The following AGBL1 variants were observed in gnomAD, a reference collection of about 807,000 sequenced individuals.
AGBL1 encodes cytosolic carboxypeptidase 4.
In AGBL1, 130 loss-of-function variants were observed where a neutral mutation model predicts 118.9. The observed-to-expected ratio is 1.09, with a 90% CI of 0.95 to 1.26. The LOEUF is 1.26. Ranked by LOEUF, AGBL1 falls within the 50% of genes most tolerant of loss-of-function variation. AGBL1 has a pLI of 0.00. For synonymous variants in AGBL1, 555 were observed against 478.9 expected (o/e 1.16, Z -2.08); for missense variants, 1,584 against 1,298.1 (o/e 1.22, Z -3.38).
At chr15:86,269,848 A>G in intron 13 of AGBL1, 71 bp from the exon 14 acceptor site, 1 of 1,532,922 alleles carries the variant, frequency 6.5e-7, no homozygotes, top group Non-Finnish European at 8.9e-7. Flanking sequence ...TGAAACGTGT[A>G]GATTCTTAGT....
At chr15:86,547,104 G>A (rs2083594068) in intron 20 of AGBL1, among the ~76,000 whole-genome samples, 1 of 151,990 alleles carries the variant, frequency 6.6e-6, no homozygotes, top group Non-Finnish European at 1.5e-5. Flanking sequence ...ACCACCCCAA[G>A]GCTTTTATAG....
At chr15:86,630,817 C>G (rs1309328904) in intron 21 of AGBL1, 1 of 152,126 alleles carries the variant, frequency 6.6e-6, no homozygotes, top group Admixed American at 6.5e-5. Flanking sequence ...TTAATTTTTC[C>G]TTTCAAAATG....
At chr15:86,080,303 G>A (rs1895179489) in intron 1 of AGBL1, 3 of 299,180 alleles carry the variant, frequency 1.0e-5, no homozygotes, top group Admixed American at 5.1e-5. Flanking sequence ...AAATGGGAAA[G>A]GTGGAGAAAA....
intron 17 of AGBL1, among the ~76,000 whole-genome samples, chr15:86,334,741 A>T (rs1291516616): frequency 6.6e-6 from 1 of 152,200 alleles, no homozygotes; most frequent in Non-Finnish European, 1.5e-5. Flanking sequence ...TGGAGGTATC[A>T]CATTACCCAA....
intron 22 of AGBL1, among the ~76,000 whole-genome samples, chr15:86,757,349 C>G (rs1173688796): frequency 6.6e-6 from 1 of 152,052 alleles, no homozygotes; most frequent in Non-Finnish European, 1.5e-5. Context: ...GCACTGTATT[C>G]TACTTGTCAC....
chr15:86,588,040 C>T (rs1446821002), intron 21 of AGBL1, among the ~76,000 whole-genome samples: 1 of 151,944 alleles, frequency 6.6e-6, no homozygotes, highest in African/African-American at 2.4e-5. Flanking sequence ...TCTGCTGGCA[C>T]TATTCTTCAT....
intron 22 of AGBL1, among the ~76,000 whole-genome samples, chr15:86,713,854 A>G (rs1387573169): frequency 6.6e-6 from 1 of 152,190 alleles, no homozygotes. Context: ...AAGAGCTGTA[A>G]CGTAGACTTG....
intron 24 of AGBL1, among the ~76,000 whole-genome samples, chr15:87,016,206 T>C (rs970081658): frequency 1.4e-5 from 2 of 146,412 alleles, no homozygotes; most frequent in Admixed American, 1.3e-4. Flanking sequence ...GACCCACTGA[T>C]CCACTAGGAC....
At chr15:86,508,261 G>A (rs2083005446) in intron 18 of AGBL1, among the ~76,000 whole-genome samples, 1 of 151,948 alleles carries the variant, frequency 6.6e-6, no homozygotes, top group African/African-American at 2.4e-5. Flanking sequence ...ACTTGTGTAT[G>A]TGATTCAGCT....
chr15:86,712,392 A>T (rs951886332), intron 22 of AGBL1, among the ~76,000 whole-genome samples: 1 of 151,398 alleles, frequency 6.6e-6, no homozygotes, highest in African/African-American at 2.4e-5. Context: ...TACCACTGAC[A>T]TTAAAACGGA....
chr15:86,783,949 A>T (rs926099113), intron 22 of AGBL1, among the ~76,000 whole-genome samples: 2 of 152,186 alleles, frequency 1.3e-5, no homozygotes, highest in African/African-American at 4.8e-5. Context: ...TCTTAAAAAA[A>T]TTTTAAACTG....
intron 5 of AGBL1, among the ~76,000 whole-genome samples, chr15:86,183,007 A>G (rs921236785): frequency 6.6e-6 from 1 of 152,186 alleles, no homozygotes; most frequent in African/African-American, 2.4e-5. Context: ...TTAAGAGCAA[A>G]CTTTGAGAAG....
At chr15:86,721,569 G>A (rs2086721581) in intron 22 of AGBL1, among the ~76,000 whole-genome samples, 1 of 152,094 alleles carries the variant, frequency 6.6e-6, no homozygotes, top group Non-Finnish European at 1.5e-5. Context: ...GGCAAAAACT[G>A]GAAGTATTCC....
chr15:86,646,271 G>C lies in AGBL1; in HGVS notation c.2995-28002G>C, dbSNP rs554501089. Among the ~76,000 whole-genome samples, 4 of 152,236 alleles carry C rather than the reference G, an allele frequency of 2.6e-5. No homozygotes were observed. In the Middle Eastern group the frequency reaches 0.01, roughly 388 times the overall value. On this transcript the variant is annotated intron_variant, in intron 21 of 22. Transcript: ENST00000614907. ...TGCAGAGAGCCATGCTGATTTGCAC[G>C]GCGGCAGTAACAACTCTAAGTGGAA...
intron 17 of AGBL1, among the ~76,000 whole-genome samples, chr15:86,378,299 A>C (rs2081066890): frequency 6.6e-6 from 1 of 152,192 alleles, no homozygotes; most frequent in African/African-American, 2.4e-5. Context: ...TTAAACTGTC[A>C]CATAAATTCC....
At chr15:86,545,144 T>G (rs985673126) in intron 19 of AGBL1, among the ~76,000 whole-genome samples, 10 of 152,218 alleles carry the variant, frequency 6.6e-5, no homozygotes, top group Non-Finnish European at 1.2e-4. Context: ...TTTTCCCCTC[T>G]ACCACAAGAG....
intron 21 of AGBL1, among the ~76,000 whole-genome samples, chr15:86,633,867 ATATATATAATGTATATATATATATATAAT>A (rs2085030825): frequency 6.6e-5 from 1 of 15,182 alleles, no homozygotes; most frequent in African/African-American, 1.3e-4. Context: ...TATATAATGT[ATATATATAATGTATATATATATATATAAT>A]GTATATATAT....
At chr15:86,478,314 A>G (rs1042105551) in intron 18 of AGBL1, among the ~76,000 whole-genome samples, 3 of 152,328 alleles carry the variant, frequency 2.0e-5, no homozygotes, top group South Asian at 2.1e-4. Flanking sequence ...AGATGACATG[A>G]TTGTATATTT....
At chr15:86,535,998 C>G (rs1401438981) in intron 19 of AGBL1, among the ~76,000 whole-genome samples, 1 of 152,160 alleles carries the variant, frequency 6.6e-6, no homozygotes, top group Non-Finnish European at 1.5e-5. Flanking sequence ...AGAACAAACA[C>G]TCCTGTTCCA....
Sources: allele counts gnomAD v4.1 joint callset (sites outside exome capture counted in the v4.1 genomes callset), GRCh38; gene constraint gnomAD v4.1.1; transcripts MANE v1.5; gene names NCBI Gene and HGNC (gene_info 2026-07-23, HGNC 2026-07-21).